The following RERE variants were observed in gnomAD, a reference collection of about 807,000 sequenced individuals.
RERE encodes arginine-glutamic acid dipeptide repeats protein.
RERE carries 40 observed loss-of-function variants against 146.1 expected under a neutral mutation model. The ratio of observed to expected loss-of-function variants is 0.27; its 90% CI spans 0.21 to 0.36. RERE has a LOEUF of 0.36. Among genes scored for constraint, RERE ranks in the 10% least tolerant of loss-of-function variants. The pLI, the probability that RERE is intolerant of heterozygous loss-of-function variation, is 1.00. For missense variants in RERE, 1,933 were observed against 2,138.7 expected, an observed-to-expected ratio of 0.90 and a Z score of 1.90; for synonymous variants, 1,003 against 866.0, an observed-to-expected ratio of 1.16 and a Z score of -2.78.
At chr1:8,800,605 A>G (rs983357193) in intron 1 of RERE, among the ~76,000 whole-genome samples, 1 of 152,046 alleles carries the variant, frequency 6.6e-6, no homozygotes, top group Non-Finnish European at 1.5e-5. Context: ...AAGAGTTAAG[A>G]GGCTGCAGTG....
intron 10 of RERE, among the ~76,000 whole-genome samples, chr1:8,486,889 A>T (rs1644908175): frequency 6.6e-6 from 1 of 152,144 alleles, no homozygotes; most frequent in Non-Finnish European, 1.5e-5. Context: ...AAACATCTTA[A>T]GAAAACAGAA....
intron 11 of RERE, among the ~76,000 whole-genome samples, chr1:8,452,958 G>A (rs572818199): frequency 4.6e-5 from 7 of 152,138 alleles, no homozygotes; most frequent in African/African-American, 7.2e-5. Context: ...GTAGCATGGC[G>A]TGATGCTCAT....
intron 1 of RERE, among the ~76,000 whole-genome samples, chr1:8,674,166 C>T (rs1352201670): frequency 6.6e-6 from 1 of 152,094 alleles, no homozygotes; most frequent in Non-Finnish European, 1.5e-5. Flanking sequence ...TGCAAGCTTT[C>T]ATTAAATAAT....
intron 2 of RERE, among the ~76,000 whole-genome samples, chr1:8,644,057 A>C (rs1159865206): frequency 3.9e-5 from 6 of 152,174 alleles, no homozygotes; most frequent in South Asian, 4.1e-4. Flanking sequence ...ACAAAGCAAA[A>C]CAAACTATTG....
intron 1 of RERE, among the ~76,000 whole-genome samples, chr1:8,715,605 G>T (rs1358048129): frequency 6.6e-6 from 1 of 151,080 alleles, no homozygotes; most frequent in East Asian, 2.0e-4. Flanking sequence ...GAAAGTAGAA[G>T]ATATATAAAA....
intron 1 of RERE, among the ~76,000 whole-genome samples, chr1:8,771,971 G>A (rs1258680612): frequency 6.6e-6 from 1 of 151,252 alleles, no homozygotes; most frequent in Non-Finnish European, 1.5e-5. Flanking sequence ...AGAGACTTGT[G>A]AGAACTCTGC....
In RERE at chr1:8,360,154, G is replaced by T; in HGVS notation, c.3353C>A (p.Pro1118His). ...GTGACTGGGGGTGTCCACCACAGTGGGCTCCGGGGACGGGCTCCTTGGTGG... is the reference window on the plus strand; with the variant it reads ...GTGACTGGGGGTGTCCACCACAGTGTGCTCCGGGGACGGGCTCCTTGGTGG... ...PPPPRSPSPE[P>H]TVVDTPSHAS... Residue 1118 changes from proline to histidine, a missense_variant, in exon 18 of 23, where the codon CCC becomes CAC. Physicochemically the swap from Pro to His is moderately conservative, Grantham distance 77 (BLOSUM62 -2). Transcript: ENST00000400908. 2 of 1,597,270 alleles carry T rather than the reference G, an allele frequency of 1.3e-6. No individual in the cohort carries two copies. The highest frequency in any genetic ancestry group is 1.7e-6 in the Non-Finnish European group (2 of 1,171,884).
chr1:8,466,082 G>A (rs4908760), intron 10 of RERE, 59 bp from the exon 11 acceptor site: 884,559 of 1,389,238 alleles, frequency 0.64, 286,425 homozygotes, highest in East Asian at 0.84. Context: ...GGACACAATC[G>A]ATCCAAGGCA....
chr1:8,622,293 T>C (rs1301594399), intron 3 of RERE, among the ~76,000 whole-genome samples: 1 of 152,096 alleles, frequency 6.6e-6, no homozygotes, highest in Non-Finnish European at 1.5e-5. Context: ...CAAGATCTAA[T>C]AGGTAAAATA....
intron 12 of RERE, among the ~76,000 whole-genome samples, chr1:8,383,865 T>TAAATAAAATAAAATAAAATA (rs59971377): frequency 0.011 from 1,586 of 148,414 alleles, 23 homozygotes; most frequent in African/African-American, 0.037. Context: ...TCTCAAAAAA[T>TAAATAAAATAAAATAAAATA]AAATAAAATA....
At chr1:8,709,083 A>AT (rs1414416931) in intron 1 of RERE, among the ~76,000 whole-genome samples, 4 of 149,852 alleles carry the variant, frequency 2.7e-5, no homozygotes, top group East Asian at 2.0e-4. Flanking sequence ...CAGCTAATTT[A>AT]TTTTTTTTGT....
chr1:8,361,978 T>C, intron 16 of RERE, 102 bp from the exon 17 acceptor site: 1 of 799,422 alleles, frequency 1.3e-6, no homozygotes, highest in Non-Finnish European at 2.0e-6. Flanking sequence ...TCCCTCATTC[T>C]GAGTTCCATC....
intron 10 of RERE, 59 bp downstream of exon 10, chr1:8,495,004 C>A (rs760710283): frequency 2.0e-5 from 25 of 1,222,988 alleles, no homozygotes; most frequent in Non-Finnish European, 1.7e-5. Flanking sequence ...ACATTCCCTA[C>A]AGCCAGTTCA....
intron 8 of RERE, among the ~76,000 whole-genome samples, chr1:8,499,040 T>C (rs1645092333): frequency 6.6e-6 from 1 of 151,530 alleles, no homozygotes; most frequent in African/African-American, 2.4e-5. Flanking sequence ...TAAATACCTG[T>C]GGCATTTTCT....
At chr1:8,640,116 T>C (rs985975274) in intron 2 of RERE, among the ~76,000 whole-genome samples, 17 of 151,650 alleles carry the variant, frequency 1.1e-4, no homozygotes, top group Non-Finnish European at 7.4e-5. Context: ...GATTGCACCA[T>C]TGCACTCCAA....
chr1:8,687,320 G>C (rs897152911), intron 1 of RERE, among the ~76,000 whole-genome samples: 21 of 152,188 alleles, frequency 1.4e-4, no homozygotes, highest in African/African-American at 5.1e-4. Flanking sequence ...AGATGTGGTA[G>C]GAGTCTGCAG....
rs146907591 is a variant in RERE, at chr1:8,364,152, G to C, written c.1644C>G (p.Pro548=). ...TGAACATAAACGGTGGCGGGTCCAC[G>C]GGCTTCTCAATGGGCGGGAGCTCAC... ...KYGELPPIEK[P]VDPPPFMFKP... is the part of the protein sequence containing the mutation. Residue 548 remains proline, a synonymous_variant, in exon 15 of 23, where the codon CCC becomes CCG. Transcript: ENST00000400908. The surrounding 1 kb of genome is among the most constrained non-coding windows in gnomAD (Gnocchi z 5.1). 3.1e-6 allele frequency: 5 copies of C among 1,614,100 alleles called. No homozygotes were observed. The highest frequency in any genetic ancestry group is 1.7e-5 in the Admixed American group (1 of 60,016).
intron 1 of RERE, among the ~76,000 whole-genome samples, chr1:8,776,772 G>A (rs924589108): frequency 5.3e-5 from 8 of 151,984 alleles, no homozygotes; most frequent in Non-Finnish European, 1.2e-4. Flanking sequence ...AGGCTGGAGT[G>A]CAGTGGCACC....
intron 1 of RERE, among the ~76,000 whole-genome samples, chr1:8,774,146 G>A (rs1043718453): frequency 1.3e-5 from 2 of 151,956 alleles, no homozygotes; most frequent in African/African-American, 4.8e-5. Flanking sequence ...CCATTCATTC[G>A]AGGCATCCCA....
Sources: gnomAD v4.1 joint callset for allele counts (sites outside exome capture counted in the v4.1 genomes callset) on GRCh38, gnomAD v4.1.1 for gene constraint, Gnocchi (gnomAD v3.1) non-coding constraint, MANE v1.5 for transcripts, NCBI Gene and HGNC (gene_info 2026-07-23, HGNC 2026-07-21) for gene names.